ARPC3: variants seen among roughly 807,000 people sequenced by gnomAD.
ARPC3 encodes actin related protein 2/3 complex subunit 3, also known as actin-related protein 2/3 complex subunit 3.
Under a neutral mutation model 27.6 loss-of-function variants are expected in ARPC3, and 12 were observed. That is an observed-to-expected ratio of 0.43 (90% CI 0.28 to 0.70). The LOEUF is 0.70. Among genes scored for constraint, ARPC3 ranks in the 30% least tolerant of loss-of-function variants. ARPC3 has a pLI of 0.17. For missense variants in ARPC3, 153 were observed against 207.7 expected, an observed-to-expected ratio of 0.74 and a Z score of 1.62; for synonymous variants, 53 against 67.2, an observed-to-expected ratio of 0.79 and a Z score of 1.03.
At chr12:110,443,339 C>T (rs556110279) in intron 2 of ARPC3, among the ~76,000 whole-genome samples, 88 of 152,192 alleles carry the variant, frequency 5.8e-4, no homozygotes, top group South Asian at 3.7e-3. Context: ...AGGATGGTCT[C>T]GATCTCCTGA....
chr12:110,436,707 TATATACACACACACACACAC>T (rs1247100386), intron 4 of ARPC3, 24 bp from the exon 5 acceptor site: 31 of 821,600 alleles, frequency 3.8e-5, no homozygotes, highest in African/African-American at 2.1e-4. Context: ...TATATATATA[TATATACACACACACACACAC>T]ACACACACAC....
chr12:110,445,796 A>G (rs909181565), intron 1 of ARPC3, among the ~76,000 whole-genome samples: 2 of 152,216 alleles, frequency 1.3e-5, no homozygotes, highest in Admixed American at 6.5e-5. Flanking sequence ...CAAATTATAT[A>G]AACTTACAAT....
At chr12:110,436,768 AAAG>A (rs1183986775) in intron 4 of ARPC3, 85 bp from the exon 5 acceptor site, 19 of 1,120,138 alleles carry the variant, frequency 1.7e-5, no homozygotes, top group Admixed American at 9.6e-5. Flanking sequence ...TTTACAGGGA[AAAG>A]AAGAATTCTA....
At chr12:110,436,027 C>G in intron 6 of ARPC3, 83 bp downstream of exon 6, 1 of 1,051,356 alleles carries the variant, frequency 9.5e-7, no homozygotes, top group Middle Eastern at 3.0e-4. Context: ...AATATTCTTG[C>G]AATGGAAGAC....
intron 3 of ARPC3, among the ~76,000 whole-genome samples, chr12:110,437,583 G>C (rs916063943): frequency 3.9e-5 from 6 of 152,092 alleles, no homozygotes; most frequent in Non-Finnish European, 7.4e-5. Context: ...GGCCAGGTTG[G>C]TCTCGAACTC....
Position 110,450,290 on chromosome 12 carries a change from G to A in ARPC3, c.-30C>T, listed in dbSNP as rs41279102. ...GCGGCGCCCGGGTTTCAACCCAGAG[G>A]AGCAGGATCCAGGTACAGCGGAGCG... On this transcript the variant is annotated 5_prime_UTR_variant, in exon 1 of 7. Coordinates refer to ENST00000228825, the MANE Select transcript of ARPC3 (RefSeq NM_001278556.2). The A allele has an allele frequency of 9.0e-3, 14,528 of 1,613,932 alleles. 74 individuals are homozygous for A. The highest frequency in any genetic ancestry group is 0.01 in the Non-Finnish European group (11,974 of 1,179,926).
Position 110,437,192 on chromosome 12 carries a change from A to G in ARPC3, c.184-40T>C, listed in dbSNP as rs758084759. ...AGAAGACTTAAAAACAGTTATCAAA[A>G]CATAACAATGATGTGCAATGTATGC... is the stretch of plus-strand genomic sequence containing the variant. On this transcript the variant is annotated intron_variant, in intron 3 of 6. Transcript: ENST00000228825. 8.2e-6 allele frequency: 11 copies of G among 1,344,240 alleles called. No individual in the cohort carries two copies. The Admixed American group carries it at 1.8e-4, about 23-fold the overall frequency. 83.3% of individuals were successfully genotyped at this position (1,344,240 alleles called of 1,614,324 possible).
chr12:110,436,378 T>G (rs2062403850), intron 5 of ARPC3, 174 bp from the exon 6 acceptor site: 17 of 1,215,290 alleles, frequency 1.4e-5, no homozygotes, highest in Non-Finnish European at 2.0e-5. Flanking sequence ...CAAAAGATTT[T>G]CTGCATGTCA....
intron 3 of ARPC3, among the ~76,000 whole-genome samples, chr12:110,439,560 C>T (rs533240696): frequency 2.6e-5 from 4 of 151,994 alleles, no homozygotes; most frequent in African/African-American, 4.8e-5. Flanking sequence ...GGGCCGGGAG[C>T]GGTGGCTCAC....
Position 110,450,294 on chromosome 12 carries a change from A to G in ARPC3, c.-34T>C, listed in dbSNP as rs2062495107. 2.5e-6 allele frequency: 4 copies of G among 1,613,770 alleles called. No individual in the cohort carries two copies. In the South Asian group the frequency reaches 3.3e-5, roughly 13 times the overall value. On this transcript the variant is annotated 5_prime_UTR_variant, in exon 1 of 7. Coordinates refer to ENST00000228825, the MANE Select transcript of ARPC3 (RefSeq NM_001278556.2). Reference sequence around the variant, plus strand: ...CGCCCGGGTTTCAACCCAGAGGAGCAGGATCCAGGTACAGCGGAGCGCTTC... The same window carrying G: ...CGCCCGGGTTTCAACCCAGAGGAGCGGGATCCAGGTACAGCGGAGCGCTTC...
chr12:110,435,084 C>T lies in ARPC3; in HGVS notation c.*71G>A. On this transcript the variant is annotated 3_prime_UTR_variant, in exon 7 of 7. Coordinates refer to ENST00000228825, the MANE Select transcript of ARPC3 (RefSeq NM_001278556.2). ...TGTATAAAACTTTACGAAATAAAGG[C>T]AAAAGATTGTGTACATCTTGCTGGA... 1 of 1,201,970 alleles carries T rather than the reference C, an allele frequency of 8.3e-7. No individual in the cohort carries two copies. Among genetic ancestry groups the T allele is most frequent in the Non-Finnish European group, 1.2e-6 (1 of 806,706 alleles). 74.5% of individuals were successfully genotyped at this position (1,201,970 alleles called of 1,614,324 possible).
At chr12:110,441,447 T>C (rs953067696) in intron 2 of ARPC3, among the ~76,000 whole-genome samples, 1 of 152,190 alleles carries the variant, frequency 6.6e-6, no homozygotes, top group Non-Finnish European at 1.5e-5. Context: ...AAAATATTTA[T>C]AGAAAAGTAG....
chr12:110,443,890 G>A (rs1248971807), intron 2 of ARPC3, among the ~76,000 whole-genome samples: 3 of 152,010 alleles, frequency 2.0e-5, no homozygotes, highest in African/African-American at 7.2e-5. Context: ...GCATTCTACA[G>A]ATATTTGTTG....
chr12:110,443,094 A>C (rs2062446905), intron 2 of ARPC3: 7 of 151,954 alleles, frequency 4.6e-5, no homozygotes, highest in Admixed American at 4.6e-4. Flanking sequence ...ACAGAACTCT[A>C]ACTCTAGACT....
At chr12:110,440,122 C>T (rs1049303542) in intron 3 of ARPC3, among the ~76,000 whole-genome samples, 190 bp downstream of exon 3, 5 of 151,946 alleles carry the variant, frequency 3.3e-5, no homozygotes, top group African/African-American at 1.2e-4. Flanking sequence ...TTTGCCAACC[C>T]CTGGTATAGA....
At chr12:110,449,382 T>C (rs1016919696) in intron 1 of ARPC3, among the ~76,000 whole-genome samples, 2 of 151,602 alleles carry the variant, frequency 1.3e-5, no homozygotes, top group Non-Finnish European at 2.9e-5. Context: ...GCCAACATGG[T>C]GAAACCCCGT....
At position 110,434,949 on chromosome 12, in the gene ARPC3, G is replaced by A. The variant is rs1327653659; in HGVS notation, c.*206C>T. Reference sequence around the variant, plus strand: ...TATTACTTATTCTTATTAAGCGCCAGCTTTAATGCTGCAGAAAATTTCAAA... The same window carrying A: ...TATTACTTATTCTTATTAAGCGCCAACTTTAATGCTGCAGAAAATTTCAAA... On this transcript the variant is annotated 3_prime_UTR_variant, in exon 7 of 7. Transcript: ENST00000228825. 2.1e-5 allele frequency: 15 copies of A among 708,944 alleles called. No individual in the cohort carries two copies. Among genetic ancestry groups the A allele is most frequent in the African/African-American group, 2.1e-4 (12 of 57,220 alleles). The allele number at this position is 708,944 out of a possible 1,614,324, so 43.9% of individuals were successfully genotyped here.
chr12:110,446,140 G>A (rs1311605291), intron 1 of ARPC3, among the ~76,000 whole-genome samples: 1 of 149,936 alleles, frequency 6.7e-6, no homozygotes, highest in Non-Finnish European at 1.5e-5. Context: ...AAACAATGAT[G>A]CTTAAGTATT....
chr12:110,447,886 CTTTT>C (rs796202139), intron 1 of ARPC3, among the ~76,000 whole-genome samples: 3 of 107,164 alleles, frequency 2.8e-5, no homozygotes, highest in African/African-American at 1.0e-4. Context: ...ATTTAGAGTC[CTTTT>C]TTTTTTTTTT....
Sources: gnomAD v4.1 joint callset for allele counts (sites outside exome capture counted in the v4.1 genomes callset) on GRCh38, gnomAD v4.1.1 for gene constraint, MANE v1.5 for transcripts, NCBI Gene and HGNC (gene_info 2026-07-23, HGNC 2026-07-21) for gene names.